ATR: variants seen among roughly 807,000 people sequenced by gnomAD.
ATR encodes the protein serine/threonine-protein kinase ATR.
Under a neutral mutation model 305.3 loss-of-function variants are expected in ATR, and 142 were observed. The ratio of observed to expected loss-of-function variants is 0.47; its 90% CI spans 0.41 to 0.53. ATR has a LOEUF of 0.53. Ranked by LOEUF, ATR falls within the 20% of genes least tolerant of loss-of-function variation. The probability of loss-of-function intolerance (pLI) is 0.00; values close to 1 mark genes in which losing one functional copy is unlikely to be tolerated. For missense variants in ATR, 2,135 were observed against 3,133.1 expected, an observed-to-expected ratio of 0.68 and a Z score of 7.60; for synonymous variants, 1,050 against 1,068.1, an observed-to-expected ratio of 0.98 and a Z score of 0.33.
chr3:142,521,755 T>G (rs536796749), intron 23 of ATR, among the ~76,000 whole-genome samples: 1 of 152,302 alleles, frequency 6.6e-6, no homozygotes, highest in Non-Finnish European at 1.5e-5. Flanking sequence ...TGCCTTCTCA[T>G]GATAAAACCT....
intron 36 of ATR, among the ~76,000 whole-genome samples, chr3:142,473,254 C>A (rs1245741901): frequency 6.6e-6 from 1 of 152,042 alleles, no homozygotes; most frequent in African/African-American, 2.4e-5. Flanking sequence ...AGTTTTTAAG[C>A]CATTTTGAGT....
chr3:142,483,876 T>A (rs201058058), intron 36 of ATR, among the ~76,000 whole-genome samples: 55 of 150,134 alleles, frequency 3.7e-4, no homozygotes, highest in East Asian at 2.5e-3. Context: ...TAAAATAAAA[T>A]ATATATATAT....
At chr3:142,477,231 T>C (rs1679819697) in intron 36 of ATR, among the ~76,000 whole-genome samples, 4 of 152,208 alleles carry the variant, frequency 2.6e-5, no homozygotes, top group South Asian at 2.1e-4. Context: ...TGTGAGTCTG[T>C]CATAAATAGC....
chr3:142,489,799 T>C (rs2031170593), intron 35 of ATR, among the ~76,000 whole-genome samples: 1 of 152,256 alleles, frequency 6.6e-6, no homozygotes, highest in Non-Finnish European at 1.5e-5. Flanking sequence ...TATGTAATTG[T>C]TTCTGTTGGA....
At chr3:142,452,107 A>G (rs1015187673) in intron 46 of ATR, 9 of 1,019,920 alleles carry the variant, frequency 8.8e-6, no homozygotes, top group Non-Finnish European at 1.1e-5. Flanking sequence ...TAGAAGAACT[A>G]AAGAAGCAGC....
rs1156558758 is a variant in ATR at position 142,542,684 on chromosome 3, C to A, written c.3431G>T (p.Gly1144Val). The A allele has an allele frequency of 6.2e-7, 1 of 1,613,086 alleles. No homozygotes were observed. Among genetic ancestry groups the A allele is most frequent in the South Asian group, 1.1e-5 (1 of 91,030 alleles). Residue 1144 changes from glycine (G) to valine (V), a missense_variant, in exon 17 of 47, where the codon GGC becomes GTC. Physicochemically the swap from Gly to Val is moderately radical, Grantham distance 109. Around this residue, in one of 9 missense-constraint regions of ATR, gnomAD observed 530 missense variants for 766.8 expected, o/e 0.69. Transcript: ENST00000350721. ...ACTTACCATTTTCTTATCTTCAATG[C>A]CAACACTAGAGCTCAGTAACTGCAT... ...FNMQLLSSSV[G>V]IEDKKMALNS...
intron 36 of ATR, chr3:142,472,393 TA>T (rs1162703042): frequency 1.3e-5 from 2 of 152,192 alleles, no homozygotes; most frequent in Non-Finnish European, 2.9e-5. Context: ...CAACAGTGTA[TA>T]AGGGTTCCCT....
Position 142,535,118 on chromosome 3 carries a change from C to G in ATR, c.3907G>C (p.Ala1303Pro), listed in dbSNP as rs1354193987. 1 of 1,612,910 alleles carries G rather than the reference C, an allele frequency of 6.2e-7. No homozygotes were observed. The highest frequency in any genetic ancestry group is 1.7e-5 in the Admixed American group (1 of 59,942). ...QHENVDVRIH[A>P]LTSLKETLYK... Reference sequence around the variant, plus strand: ...AAGGTTTCCTTCAAGCTTGTAAGAGCATGAATACGAACATCGACATTTTCA... The same window carrying G: ...AAGGTTTCCTTCAAGCTTGTAAGAGGATGAATACGAACATCGACATTTTCA... The change falls in exon 21 of 47, where the codon GCT becomes CCT. Residue 1303 changes from alanine (A) to proline (P), a missense_variant. Coordinates refer to ENST00000350721, the MANE Select transcript of ATR (RefSeq NM_001184.4).
chr3:142,549,763 G>T, intron 14 of ATR, 90 bp from the exon 15 acceptor site: 2 of 1,213,776 alleles, frequency 1.6e-6, no homozygotes, highest in Non-Finnish European at 2.4e-6. Flanking sequence ...ATTTTTAAAT[G>T]CCACACATAT....
At position 142,485,514 on chromosome 3, in the gene ATR, G is replaced by A. The variant is rs75534481; in HGVS notation, c.6079-232C>T. ...TGCCCACTGCCCAACATGAAATAGT[G>A]CTGGAAGAATTCGCAACTTAGGAGA... On this transcript the variant is annotated intron_variant, in intron 35 of 46. Transcript: ENST00000350721. Among the ~76,000 whole-genome samples the A allele has an allele frequency of 8.7e-3, 1,321 of 152,274 alleles. 23 individuals carry two copies. The highest frequency in any genetic ancestry group is 0.029 in the African/African-American group (1,214 of 41,554).
intron 1 of ATR, among the ~76,000 whole-genome samples, chr3:142,576,539 G>T (rs1162870610): frequency 6.6e-6 from 1 of 152,168 alleles, no homozygotes; most frequent in Non-Finnish European, 1.5e-5. Context: ...AGTGAATATG[G>T]TGCCATGTAC....
chr3:142,540,375 A>T (rs1438592511), intron 18 of ATR, among the ~76,000 whole-genome samples: 1 of 152,130 alleles, frequency 6.6e-6, no homozygotes, highest in Non-Finnish European at 1.5e-5. Context: ...ACATACAAAC[A>T]TCTCTGGTCA....
intron 21 of ATR, 51 bp from the exon 22 acceptor site, chr3:142,524,250 T>A (rs776315926): frequency 6.7e-7 from 1 of 1,484,032 alleles, no homozygotes; most frequent in Non-Finnish European, 9.3e-7. Flanking sequence ...CAAACTAGTA[T>A]GTTTTCCTGA....
intron 20 of ATR, 152 bp from the exon 21 acceptor site, chr3:142,535,357 A>G: frequency 1.2e-6 from 1 of 814,952 alleles, no homozygotes; most frequent in Non-Finnish European, 1.8e-6. Flanking sequence ...TGTACAGCAC[A>G]AATCATTTTT....
intron 36 of ATR, among the ~76,000 whole-genome samples, chr3:142,474,414 C>T (rs1373045664): frequency 6.6e-6 from 1 of 152,054 alleles, no homozygotes; most frequent in Non-Finnish European, 1.5e-5. Flanking sequence ...TTCTTTTCAT[C>T]AATGTTTTAT....
In ATR at chr3:142,562,438, G is replaced by A. The variant is rs2108487266; in HGVS notation, c.964C>T (p.Leu322=). 6.2e-7 allele frequency: 1 copy of A among 1,614,100 alleles called. No homozygotes were observed. Among genetic ancestry groups the A allele is most frequent in the Non-Finnish European group, 8.5e-7 (1 of 1,179,990 alleles). ...NIEPVYLNML[L]EKLCVMFEDG... is the part of the protein sequence containing the mutation. ...TCAAACATGACACAGAGTTTTTCCA[G>A]CAGCATATTTAAATAGACAGGTTCA... Residue 322 remains leucine (L), a synonymous_variant, in exon 4 of 47, where the codon CTG becomes TTG. Coordinates refer to ENST00000350721, the MANE Select transcript of ATR (RefSeq NM_001184.4).
chr3:142,486,181 T>A (rs530302385), intron 35 of ATR, among the ~76,000 whole-genome samples: 3 of 152,326 alleles, frequency 2.0e-5, no homozygotes, highest in African/African-American at 7.2e-5. Flanking sequence ...ATTTTTTTTT[T>A]AATTGAAGTT....
At chr3:142,495,390 G>C (rs979494643) in intron 34 of ATR, among the ~76,000 whole-genome samples, 1 of 152,042 alleles carries the variant, frequency 6.6e-6, no homozygotes, top group African/African-American at 2.4e-5. Flanking sequence ...TATTAGTAAT[G>C]CCTATTACTA....
intron 46 of ATR, chr3:142,451,172 GA>G: frequency 3.3e-6 from 4 of 1,201,268 alleles, no homozygotes; most frequent in Non-Finnish European, 4.2e-6. Flanking sequence ...ATCTTCCAAA[GA>G]AAACTTCAAC....
Sources: allele counts gnomAD v4.1 joint callset (sites outside exome capture counted in the v4.1 genomes callset), GRCh38; gene constraint gnomAD v4.1.1; regional missense constraint gnomAD v4.1.1; transcripts MANE v1.5; gene names NCBI Gene and HGNC (gene_info 2026-07-23, HGNC 2026-07-21).